The following AGBL4 variants were observed in gnomAD, a reference collection of about 807,000 sequenced individuals.
The protein encoded by AGBL4 is AGBL carboxypeptidase 4.
A neutral mutation model predicts 66.4 loss-of-function variants in AGBL4; 58 were observed. The ratio of observed to expected loss-of-function variants is 0.87; its 90% CI spans 0.71 to 1.09. The LOEUF is 1.09. Among genes scored for constraint, AGBL4 ranks in the 50% least tolerant of loss-of-function variants. The pLI is 0.00. For missense variants in AGBL4, 579 were observed against 631.0 expected (o/e 0.92, Z 0.88); for synonymous variants, 234 against 222.9 (o/e 1.05, Z -0.44).
chr1:49,192,854 C>G (rs1647148394), intron 4 of AGBL4, among the ~76,000 whole-genome samples: 1 of 152,172 alleles, frequency 6.6e-6, no homozygotes, highest in Non-Finnish European at 1.5e-5. Flanking sequence ...ACCCAGAGTA[C>G]CTGACGTTAA....
intron 3 of AGBL4, among the ~76,000 whole-genome samples, chr1:49,260,267 C>T (rs1652996075): frequency 1.3e-5 from 2 of 151,642 alleles, no homozygotes; most frequent in Admixed American, 1.3e-4. Flanking sequence ...CAAGAGCAAA[C>T]ACATTCAAAA....
intron 4 of AGBL4, among the ~76,000 whole-genome samples, chr1:49,158,400 G>A (rs966619195): frequency 1.3e-5 from 2 of 152,128 alleles, no homozygotes; most frequent in Admixed American, 1.3e-4. Flanking sequence ...TTAATCCTGA[G>A]TTCTAATTTG....
At chr1:48,621,099 C>T (rs112414176) in intron 9 of AGBL4, among the ~76,000 whole-genome samples, 195 of 151,874 alleles carry the variant, frequency 1.3e-3, no homozygotes, top group African/African-American at 4.2e-3. Context: ...GTGAGGTGTG[C>T]TCTAGGGAAG....
At chr1:49,227,665 A>G (rs1386906433) in intron 4 of AGBL4, among the ~76,000 whole-genome samples, 2 of 152,188 alleles carry the variant, frequency 1.3e-5, no homozygotes, top group African/African-American at 2.4e-5. Flanking sequence ...TTCTTACATA[A>G]CAAACCCTCT....
chr1:49,957,152 C>CTGTAATTAAATAAGAG (rs1474670400), intron 1 of AGBL4, among the ~76,000 whole-genome samples: 12 of 151,924 alleles, frequency 7.9e-5, no homozygotes, highest in East Asian at 7.8e-4. Flanking sequence ...GAAATAAGAG[C>CTGTAATTAAATAAGAG]TGTAATTAAA....
At chr1:49,773,949 T>C (rs979375506) in intron 2 of AGBL4, among the ~76,000 whole-genome samples, 3 of 152,196 alleles carry the variant, frequency 2.0e-5, no homozygotes, top group Admixed American at 6.5e-5. Flanking sequence ...AGCTGGAGTA[T>C]TGGTGCTGTA....
intron 1 of AGBL4, among the ~76,000 whole-genome samples, chr1:49,968,423 A>T (rs1214410087): frequency 2.0e-5 from 3 of 152,182 alleles, no homozygotes; most frequent in Non-Finnish European, 4.4e-5. Flanking sequence ...ACAGAGTGAA[A>T]GCCAATTCTA....
chr1:48,822,052 G>T (rs543418894), intron 6 of AGBL4, among the ~76,000 whole-genome samples: 46 of 152,166 alleles, frequency 3.0e-4, no homozygotes, highest in Non-Finnish European at 5.7e-4. Context: ...AACTCAAAAG[G>T]AGTGACAATA....
intron 6 of AGBL4, among the ~76,000 whole-genome samples, chr1:48,702,586 G>A (rs575193554): frequency 6.6e-5 from 10 of 152,190 alleles, no homozygotes; most frequent in South Asian, 2.1e-4. Flanking sequence ...ATGAGCCACC[G>A]TGCCTGGCCT....
chr1:48,595,369 C>A (rs1441851080), intron 9 of AGBL4, among the ~76,000 whole-genome samples: 1 of 152,140 alleles, frequency 6.6e-6, no homozygotes, highest in Admixed American at 6.5e-5. Flanking sequence ...AGAAAATGAA[C>A]TGAAGGAAGG....
At chr1:49,901,448 C>CA (rs1269136548) in intron 1 of AGBL4, among the ~76,000 whole-genome samples, 2 of 151,910 alleles carry the variant, frequency 1.3e-5, no homozygotes, top group Admixed American at 1.3e-4. Flanking sequence ...CACATTGTCA[C>CA]AAAAAAAGAA....
intron 2 of AGBL4, among the ~76,000 whole-genome samples, chr1:49,806,439 GT>G (rs908341120): frequency 6.6e-5 from 10 of 152,262 alleles, no homozygotes; most frequent in South Asian, 2.1e-4. Context: ...GCTAAAGAAA[GT>G]TTTAAGCAAA....
In AGBL4 at chr1:49,329,769, T is replaced by C. The variant is rs372349385; in HGVS notation, c.283-83905A>G. ...TCTTTCAAGTGTGGCCCATTAATGCTAGTTATGTGAAATCTTTCTGAGTTT... is the reference window on the plus strand; with the variant it reads ...TCTTTCAAGTGTGGCCCATTAATGCCAGTTATGTGAAATCTTTCTGAGTTT... On this transcript the variant is annotated intron_variant, in intron 3 of 13. Transcript: ENST00000371839. 4.6e-5 allele frequency among the ~76,000 whole-genome samples: 7 copies of C among 152,184 alleles called. No homozygotes were observed. The East Asian group carries it at 9.6e-4, about 21-fold the overall frequency.
chr1:49,347,082 T>C (rs1037847154), intron 3 of AGBL4, among the ~76,000 whole-genome samples: 1 of 152,156 alleles, frequency 6.6e-6, no homozygotes, highest in African/African-American at 2.4e-5. Context: ...TGGAAGCCAG[T>C]AGTTACACAA....
intron 3 of AGBL4, among the ~76,000 whole-genome samples, chr1:49,695,518 AC>A (rs1202888914): frequency 1.3e-5 from 2 of 152,214 alleles, no homozygotes; most frequent in East Asian, 3.9e-4. Context: ...AATCAGGTGA[AC>A]CCCTGTAGGT....
chr1:50,019,306 T>TCTCA (rs1167835143), intron 1 of AGBL4, among the ~76,000 whole-genome samples: 103 of 48,438 alleles, frequency 2.1e-3, no homozygotes, highest in Admixed American at 3.5e-3. Context: ...TCTCTCTCTC[T>TCTCA]CACACACACA....
intron 3 of AGBL4, among the ~76,000 whole-genome samples, chr1:49,542,437 A>C (rs1034108094): frequency 4.2e-4 from 64 of 152,280 alleles, no homozygotes; most frequent in African/African-American, 1.5e-3. Flanking sequence ...ACATCCGAAC[A>C]TCAGAAGGAA....
At chr1:49,918,056 AC>A (rs1246249705) in intron 1 of AGBL4, among the ~76,000 whole-genome samples, 2 of 152,238 alleles carry the variant, frequency 1.3e-5, no homozygotes, top group African/African-American at 2.4e-5. Flanking sequence ...GACACAACAT[AC>A]CAGAATCTCT....
At chr1:49,179,475 TGCCTCATACTGG>T (rs1646889950) in intron 4 of AGBL4, among the ~76,000 whole-genome samples, 1 of 152,106 alleles carries the variant, frequency 6.6e-6, no homozygotes, top group African/African-American at 2.4e-5. Flanking sequence ...GTATTCCTGG[TGCCTCATACTGG>T]GCCTTGAACA....
Sources: gnomAD v4.1 joint callset for allele counts (sites outside exome capture counted in the v4.1 genomes callset) on GRCh38, gnomAD v4.1.1 for gene constraint, MANE v1.5 for transcripts, NCBI Gene and HGNC (gene_info 2026-07-23, HGNC 2026-07-21) for gene names.